CERK: variants seen among roughly 807,000 people sequenced by gnomAD.
CERK encodes acylsphingosine kinase.
In CERK, 39 loss-of-function variants were observed where a neutral mutation model predicts 63.4. The observed-to-expected ratio is 0.61, with a 90% confidence interval of 0.48 to 0.80. The LOEUF is 0.80. Among genes scored for constraint, CERK ranks in the 30% least tolerant of loss-of-function variants. The probability of loss-of-function intolerance (pLI) is 0.00; values close to 1 mark genes in which losing one functional copy is unlikely to be tolerated. For synonymous variants in CERK, 302 were observed against 280.0 expected (o/e 1.08, Z -0.78); for missense variants, 670 against 714.1 (o/e 0.94, Z 0.70).
rs139688808 is a variant in CERK, at chr22:46,725,140, C to T, written c.143-4125G>A. Among the ~76,000 whole-genome samples the T allele has an allele frequency of 2.7e-3, 404 of 152,172 alleles. 9 individuals carry two copies. The highest frequency in any genetic ancestry group is 0.026 in the Admixed American group (392 of 15,296). On this transcript the variant is annotated intron_variant, in intron 1 of 12. Transcript: ENST00000216264. ...ACAGTGAGAGAACTCCACAGTGAGA[C>T]GCCTCCAGCCTAGCAGCACTTACCC...
chr22:46,719,388 C>G (rs2082881317), intron 3 of CERK, among the ~76,000 whole-genome samples: 1 of 151,232 alleles, frequency 6.6e-6, no homozygotes, highest in Non-Finnish European at 1.5e-5. Flanking sequence ...GGACACATCC[C>G]TGGCTGGGCG....
intron 3 of CERK, among the ~76,000 whole-genome samples, chr22:46,716,185 A>G (rs914302137): frequency 7.0e-6 from 1 of 142,424 alleles, no homozygotes; most frequent in Non-Finnish European, 1.5e-5. Context: ...ACAAGACCTC[A>G]TCTCCCTTTT....
intron 5 of CERK, among the ~76,000 whole-genome samples, chr22:46,709,164 A>G (rs531529278): frequency 3.3e-5 from 5 of 152,286 alleles, no homozygotes; most frequent in African/African-American, 4.8e-5. Context: ...TGTGTGTTAG[A>G]CAGACAGATC....
chr22:46,724,444 G>A (rs1300459180), intron 1 of CERK, among the ~76,000 whole-genome samples: 1 of 152,186 alleles, frequency 6.6e-6, no homozygotes, highest in Non-Finnish European at 1.5e-5. Flanking sequence ...TGCACTGGGT[G>A]CGGCTCAGGA....
Position 46,712,225 on chromosome 22 carries a change from A to G in CERK, c.448T>C (p.Tyr150His). The stretch of plus-strand genomic sequence containing the variant: ...AACAGTGGTGCCACTTTTCTTTCAT[A>G]TATCCGCTTGCCTTGTCCTTTTCCT... The part of the protein sequence containing the change: ...FGGKGQGKRI[Y>H]ERKVAPLFTL... Residue 150 changes from tyrosine (Y) to histidine (H), a missense_variant, in exon 4 of 13, where the codon TAT (tyrosine) becomes CAT (histidine). Transcript: ENST00000216264. 2 of 1,614,150 alleles carry G rather than the reference A, an allele frequency of 1.2e-6. No individual in the cohort carries two copies. Among genetic ancestry groups the G allele is most frequent in the Non-Finnish European group, 1.7e-6 (2 of 1,179,990 alleles).
rs748293063 is a variant in CERK, at chr22:46,687,087, T to C, written c.*47A>G. The C allele has an allele frequency of 2.0e-6, 3 of 1,489,306 alleles. No individual in the cohort carries two copies. In the South Asian group the frequency reaches 3.4e-5, roughly 17 times the overall value. The allele number at this position is 1,489,306 out of a possible 1,614,324, so 92.3% of individuals were successfully genotyped here. A position where few individuals can be genotyped will look rare whatever the true frequency, so the allele number is the denominator to read the frequency against. The stretch of plus-strand genomic sequence containing the variant: ...CATAATTGGTCTGTAATAATTATCT[T>C]AAATAGTTTTCACACTTTCCCAGTT... On this transcript the variant is annotated 3_prime_UTR_variant, in exon 13 of 13. Coordinates refer to ENST00000216264, the MANE Select transcript of CERK (RefSeq NM_022766.6).
chr22:46,738,190 C>G lies in CERK; in HGVS notation c.-42G>C. 9.1e-7 allele frequency: 1 copy of G among 1,095,606 alleles called. No homozygotes were observed. Among genetic ancestry groups the G allele is most frequent in the Non-Finnish European group, 1.1e-6 (1 of 902,218 alleles). The allele number at this position is 1,095,606 out of a possible 1,614,324, so 67.9% of individuals were successfully genotyped here. A position where few individuals can be genotyped will look rare whatever the true frequency, so the allele number is the denominator to read the frequency against. On this transcript the variant is annotated 5_prime_UTR_variant, in exon 1 of 13. Coordinates refer to ENST00000216264, the MANE Select transcript of CERK (RefSeq NM_022766.6). Reference sequence around the variant, plus strand: ...GTCCGCCAGGCTGGGGGCGCGCGGACGCCGAGGGGCGCCGGACCGTTAGCG... The same window carrying G: ...GTCCGCCAGGCTGGGGGCGCGCGGAGGCCGAGGGGCGCCGGACCGTTAGCG...
At chr22:46,723,077 G>A (rs2082900636) in intron 1 of CERK, among the ~76,000 whole-genome samples, 1 of 152,220 alleles carries the variant, frequency 6.6e-6, no homozygotes, top group African/African-American at 2.4e-5. Context: ...CAGGGCAAGA[G>A]ACTGAACAGG....
rs144939572 is a variant in CERK at position 46,706,824 on chromosome 22, C to T, written c.715+1019G>A. ...TGAAAACACCCGCAATGTCACCATCCGTGGGGAACATTTGCCTCACACCAT... is the reference window on the plus strand; with the variant it reads ...TGAAAACACCCGCAATGTCACCATCTGTGGGGAACATTTGCCTCACACCAT... On this transcript the variant is annotated intron_variant, in intron 6 of 12. Transcript: ENST00000216264. 4.0e-3 allele frequency among the ~76,000 whole-genome samples: 605 copies of T among 152,278 alleles called. 5 individuals carry two copies. The highest frequency in any genetic ancestry group is 0.014 in the Middle Eastern group (4 of 294).
At chr22:46,698,259 G>T (rs752592758) in intron 8 of CERK, among the ~76,000 whole-genome samples, 1 of 152,242 alleles carries the variant, frequency 6.6e-6, no homozygotes, top group Admixed American at 6.5e-5. Flanking sequence ...TGGGCTTCAG[G>T]GAGTGCGGCG....
rs750882597 is a variant in CERK at position 46,721,009 on chromosome 22, C to T, written c.149G>A (p.Cys50Tyr). 6.8e-6 allele frequency: 11 copies of T among 1,606,866 alleles called. No homozygotes were observed. The highest frequency in any genetic ancestry group is 3.3e-4 in the Middle Eastern group (2 of 6,068). Residue 50 changes from cysteine to tyrosine, a missense_variant, in exon 2 of 13, where the codon TGC becomes TAC. By Grantham distance (194) the Cys-to-Tyr change is radical. Coordinates refer to ENST00000216264, the MANE Select transcript of CERK (RefSeq NM_022766.6). The stretch of plus-strand genomic sequence containing the variant: ...GATGATCTCAGATACAGGCACAGAG[C>T]AGGCATCTGTAAAAACACCACGTCC... ...PGAGAPGADA[C>Y]SVPVSEIIAV...
rs554298059 is a variant in CERK, at chr22:46,689,190, G to A, written c.1541+802C>T. Among the ~76,000 whole-genome samples the A allele has an allele frequency of 5.3e-5, 8 of 152,304 alleles. No homozygotes were observed. In the East Asian group the frequency reaches 5.8e-4, roughly 11 times the overall value. ...GGCTGCGTGGCCTCCAGCACGGGGC[G>A]TCCCTCTGGGGCTCCTCCTCTCCTT... On this transcript the variant is annotated intron_variant, in intron 12 of 12. Transcript: ENST00000216264.
At chr22:46,702,649 C>G (rs1055913642) in intron 6 of CERK, among the ~76,000 whole-genome samples, 10 of 152,256 alleles carry the variant, frequency 6.6e-5, no homozygotes, top group Non-Finnish European at 1.5e-4. Flanking sequence ...TACTTGAGAT[C>G]TTAATACCAG....
chr22:46,733,175 T>C (rs1361651650), intron 1 of CERK, among the ~76,000 whole-genome samples: 5 of 116,842 alleles, frequency 4.3e-5, no homozygotes, highest in Non-Finnish European at 8.2e-5. Context: ...GCCACTGCAC[T>C]CCAGCCCTGG....
intron 8 of CERK, among the ~76,000 whole-genome samples, chr22:46,698,681 A>G (rs1395604024): frequency 6.6e-6 from 1 of 151,984 alleles, no homozygotes; most frequent in East Asian, 1.9e-4. Flanking sequence ...GCTTGAGCTC[A>G]GGAGTTTGAG....
At chr22:46,737,869 C>G (rs1465060361) in intron 1 of CERK, 138 bp downstream of exon 1, 9 of 496,470 alleles carry the variant, frequency 1.8e-5, no homozygotes, top group Non-Finnish European at 2.6e-5. Flanking sequence ...CCGACCCCTC[C>G]CTGGCGCCTG....
chr22:46,693,263 G>A (rs1272576181), intron 10 of CERK, among the ~76,000 whole-genome samples, 164 bp downstream of exon 10: 1 of 152,202 alleles, frequency 6.6e-6, no homozygotes, highest in Admixed American at 6.5e-5. Context: ...AAGTAACAGT[G>A]ACCTGACGCT....
chr22:46,706,415 G>A (rs1448812574), intron 6 of CERK, among the ~76,000 whole-genome samples: 1 of 152,202 alleles, frequency 6.6e-6, no homozygotes, highest in Non-Finnish European at 1.5e-5. Flanking sequence ...GATCCAGCGG[G>A]ATGTTGCTAT....
In CERK at chr22:46,720,220, C is replaced by T. The variant is rs749709071; in HGVS notation, c.257-12G>A. The T allele has an allele frequency of 2.5e-6, 4 of 1,605,566 alleles. No homozygotes were observed. The highest frequency in any genetic ancestry group is 1.7e-5 in the Admixed American group (1 of 59,438). On this transcript the variant is annotated splice_polypyrimidine_tract_variant and intron_variant, in intron 2 of 12. Transcript: ENST00000216264. ...CTTTACACAGTGAACTGCACAGAAG[C>T]AAGCATGCTCGTTAGTGCAAAGTTT...
Sources: allele counts gnomAD v4.1 joint callset (sites outside exome capture counted in the v4.1 genomes callset), GRCh38; gene constraint gnomAD v4.1.1; transcripts MANE v1.5; gene names NCBI Gene and HGNC (gene_info 2026-07-23, HGNC 2026-07-21).